PHF21B: variants seen among roughly 807,000 people sequenced by gnomAD.
PHF21B encodes PHD finger protein 4.
Under a neutral mutation model 62.2 loss-of-function variants are expected in PHF21B, and 22 were observed. The observed-to-expected ratio is 0.35, with a 90% CI of 0.25 to 0.51. The LOEUF (loss-of-function observed/expected upper bound fraction) is 0.51. PHF21B is among the 20% of genes least tolerant of loss of function. The pLI is 0.97. For missense variants in PHF21B, 701 were observed against 707.9 expected, an observed-to-expected ratio of 0.99 and a Z score of 0.11; for synonymous variants, 341 against 314.7, an observed-to-expected ratio of 1.08 and a Z score of -0.88.
intron 2 of PHF21B, among the ~76,000 whole-genome samples, chr22:44,934,345 A>G (rs2071802953): frequency 6.6e-6 from 1 of 152,240 alleles, no homozygotes; most frequent in African/African-American, 2.4e-5. Context: ...AGACAGGCAC[A>G]TAGAGGAGCG....
intron 6 of PHF21B, 105 bp downstream of exon 6, chr22:44,895,927 G>GGCT: frequency 8.1e-7 from 1 of 1,240,466 alleles, no homozygotes; most frequent in Non-Finnish European, 1.2e-6. Flanking sequence ...CACCCATATC[G>GGCT]GCTGCTGCTG....
chr22:44,971,987 G>C (rs749304551), intron 2 of PHF21B, among the ~76,000 whole-genome samples: 1 of 152,246 alleles, frequency 6.6e-6, no homozygotes, highest in African/African-American at 2.4e-5. Context: ...CAGTTGGGGG[G>C]AGAGATGAGG....
At position 44,882,868 on chromosome 22, in the gene PHF21B, T is replaced by C; in HGVS notation, c.*218A>G. 1.8e-6 allele frequency: 1 copy of C among 557,848 alleles called. No homozygotes were observed. The highest frequency in any genetic ancestry group is 3.1e-6 in the Non-Finnish European group (1 of 327,672). The allele number at this position is 557,848 out of a possible 1,614,324, so 34.6% of individuals were successfully genotyped here. A position where few individuals can be genotyped will look rare whatever the true frequency, so the allele number is the denominator to read the frequency against. ...CCCAGCCTGTCGTACCCCACCTGGC[T>C]CCTAGGTACCCCCTGTGAATTTGGA... On this transcript the variant is annotated 3_prime_UTR_variant, in exon 13 of 13. Coordinates refer to ENST00000313237, the MANE Select transcript of PHF21B (RefSeq NM_138415.5).
chr22:45,006,238 C>A (rs1008090264), intron 2 of PHF21B, among the ~76,000 whole-genome samples: 27 of 152,306 alleles, frequency 1.8e-4, no homozygotes, highest in African/African-American at 6.3e-4. Context: ...ACAACACCCT[C>A]GCAGTTAAAA....
At chr22:44,957,657 TC>T (rs1171782906) in intron 2 of PHF21B, among the ~76,000 whole-genome samples, 2 of 152,188 alleles carry the variant, frequency 1.3e-5, no homozygotes, top group African/African-American at 2.4e-5. Flanking sequence ...TAAAACCCTT[TC>T]CTGTGCAAAC....
chr22:44,974,368 C>G lies in PHF21B; in HGVS notation c.120+34177G>C, dbSNP rs140082161. On this transcript the variant is annotated intron_variant, in intron 2 of 12. Transcript: ENST00000313237. Reference sequence around the variant, plus strand: ...GGTTGAGACTGCAGTGAGCCATGATCGCACCACTGCACTCCAGCCTGGGCG... The same window carrying G: ...GGTTGAGACTGCAGTGAGCCATGATGGCACCACTGCACTCCAGCCTGGGCG... Among the ~76,000 whole-genome samples, 626 of 150,928 alleles carry G rather than the reference C, an allele frequency of 4.1e-3. 6 individuals are homozygous for G. Among genetic ancestry groups the G allele is most frequent in the African/African-American group, 0.013 (543 of 40,984 alleles).
intron 2 of PHF21B, among the ~76,000 whole-genome samples, chr22:44,961,434 TC>T (rs1175524456): frequency 6.6e-6 from 1 of 151,994 alleles, no homozygotes; most frequent in African/African-American, 2.4e-5. Context: ...GCTCTAGGAG[TC>T]CCTAGTATCC....
intron 2 of PHF21B, among the ~76,000 whole-genome samples, chr22:44,968,431 G>T (rs1311779403): frequency 6.6e-6 from 1 of 152,096 alleles, no homozygotes; most frequent in Non-Finnish European, 1.5e-5. Context: ...ATCACTTGAG[G>T]TCAGGAGTTC....
intron 2 of PHF21B, among the ~76,000 whole-genome samples, chr22:45,007,230 C>A (rs571593528): frequency 7.9e-4 from 35 of 44,548 alleles, no homozygotes; most frequent in Admixed American, 5.8e-3. Flanking sequence ...CCGGCCCCCC[C>A]CAAAACCCGC....
chr22:45,007,814 G>A (rs1441898674), intron 2 of PHF21B, among the ~76,000 whole-genome samples: 1 of 151,552 alleles, frequency 6.6e-6, no homozygotes, highest in East Asian at 2.0e-4. Context: ...GCCGGGCTCT[G>A]GCGGCGGCAT....
chr22:44,958,597 G>GCTTTTTTT (rs1569254952), intron 2 of PHF21B, among the ~76,000 whole-genome samples: 1 of 58,504 alleles, frequency 1.7e-5, no homozygotes, highest in Non-Finnish European at 3.5e-5. Flanking sequence ...GCCTTCCTTT[G>GCTTTTTTT]ATTTTTTTTT....
chr22:44,886,390 G>C (rs1238864930), intron 10 of PHF21B, among the ~76,000 whole-genome samples: 1 of 32,698 alleles, frequency 3.1e-5, no homozygotes, highest in East Asian at 1.0e-3. Flanking sequence ...AGGAAGAAGA[G>C]GCAAAAAAAA....
At chr22:44,951,220 G>A (rs1426430686) in intron 2 of PHF21B, among the ~76,000 whole-genome samples, 2 of 152,162 alleles carry the variant, frequency 1.3e-5, no homozygotes, top group African/African-American at 4.8e-5. Flanking sequence ...GTGCTCCAGT[G>A]CCAGCATCAC....
At chr22:44,911,885 A>C (rs1431325161) in intron 5 of PHF21B, among the ~76,000 whole-genome samples, 2 of 116,604 alleles carry the variant, frequency 1.7e-5, no homozygotes, top group East Asian at 2.1e-4. Context: ...GAAAAGCTGC[A>C]GACACTCAAC....
At chr22:44,924,079 A>G (rs111301422) in intron 2 of PHF21B, among the ~76,000 whole-genome samples, 2 of 101,106 alleles carry the variant, frequency 2.0e-5, no homozygotes, top group African/African-American at 3.6e-5. Flanking sequence ...AGGGGAGGGA[A>G]GAGGGGAGGA....
At chr22:45,007,633 C>A (rs2073346254) in intron 2 of PHF21B, among the ~76,000 whole-genome samples, 1 of 148,064 alleles carries the variant, frequency 6.8e-6, no homozygotes, top group Non-Finnish European at 1.5e-5. Flanking sequence ...CAGCGGTGCC[C>A]CCAGCACGCC....
At chr22:44,951,257 G>A (rs867818920) in intron 2 of PHF21B, among the ~76,000 whole-genome samples, 63 of 152,202 alleles carry the variant, frequency 4.1e-4, no homozygotes, top group African/African-American at 1.5e-3. Context: ...CAGATCATCG[G>A]GCATTAGATT....
At position 44,896,014 on chromosome 22, in the gene PHF21B, A is replaced by G. The variant is rs759515454; in HGVS notation, c.883+18T>C. 5.0e-6 allele frequency: 8 copies of G among 1,614,150 alleles called. No individual in the cohort carries two copies. In the Admixed American group the frequency reaches 5.0e-5, roughly 10 times the overall value. ...GTCAGTCCCAGCCCAACCTGCTGCT[A>G]CCTGGATCCTTCCTTACCTTCCAAA... On this transcript the variant is annotated intron_variant, in intron 6 of 12. Coordinates refer to ENST00000313237, the MANE Select transcript of PHF21B (RefSeq NM_138415.5).
At chr22:44,922,637 A>G (rs2071558318) in intron 2 of PHF21B, among the ~76,000 whole-genome samples, 1 of 152,254 alleles carries the variant, frequency 6.6e-6, no homozygotes. Context: ...CATCTCAAAA[A>G]AAAAGAAAAA....
Sources: gnomAD v4.1 joint callset for allele counts (sites outside exome capture counted in the v4.1 genomes callset) on GRCh38, gnomAD v4.1.1 for gene constraint, MANE v1.5 for transcripts, NCBI Gene and HGNC (gene_info 2026-07-23, HGNC 2026-07-21) for gene names.